The following CUL3 variants were observed in gnomAD, a reference collection of about 807,000 sequenced individuals.
The protein encoded by CUL3 is cullin 3, also known as cullin-3.
CUL3 carries 19 observed loss-of-function variants against 89.1 expected under a neutral mutation model. The observed-to-expected ratio is 0.21, with a 90% CI of 0.15 to 0.31. CUL3 has a LOEUF of 0.31. Ranked by LOEUF, CUL3 falls within the 10% of genes least tolerant of loss-of-function variation. The pLI is 1.00. For synonymous variants in CUL3, 351 were observed against 308.4 expected (o/e 1.14, Z -1.45); for missense variants, 469 against 942.3 (o/e 0.50, Z 6.58).
chr2:224,538,418 T>A (rs896836998), intron 2 of CUL3, among the ~76,000 whole-genome samples: 2 of 152,156 alleles, frequency 1.3e-5, no homozygotes, highest in Admixed American at 6.5e-5. Context: ...GAAAAAAGGA[T>A]CTTTATTTTA....
intron 13 of CUL3, among the ~76,000 whole-genome samples, chr2:224,482,716 G>A (rs1329817840): frequency 6.6e-6 from 1 of 152,148 alleles, no homozygotes; most frequent in African/African-American, 2.4e-5. Flanking sequence ...TGTAATACTA[G>A]GGGAGAAAAA....
At chr2:224,573,893 C>T (rs887029091) in intron 1 of CUL3, among the ~76,000 whole-genome samples, 2 of 152,068 alleles carry the variant, frequency 1.3e-5, no homozygotes, top group Non-Finnish European at 2.9e-5. Flanking sequence ...AACAGCCTAC[C>T]ACAAGTCAGA....
At chr2:224,484,172 A>T (rs1391442339) in intron 13 of CUL3, among the ~76,000 whole-genome samples, 3 of 147,706 alleles carry the variant, frequency 2.0e-5, no homozygotes, top group Admixed American at 6.8e-5. Flanking sequence ...CTGTCTCAAA[A>T]TTTTTTTTTT....
rs2106304669 is a variant in CUL3, at chr2:224,557,761, A to G, written c.162T>C (p.Phe54=). Residue 54 remains phenylalanine (F), a synonymous_variant, in exon 2 of 16, where the codon TTT becomes TTC. Transcript: ENST00000264414. Reference sequence around the variant, plus strand: ...TATATGCATTTCTATAGAGCTCCTCAAAACTAAGACCACTGTTATTCTTAC... The same window carrying G: ...TATATGCATTTCTATAGAGCTCCTCGAAACTAAGACCACTGTTATTCTTAC... ...IQRKNNSGLS[F]EELYRNAYTM... The G allele has an allele frequency of 6.2e-7, 1 of 1,611,430 alleles. No individual in the cohort carries two copies. Among genetic ancestry groups the G allele is most frequent in the Non-Finnish European group, 8.5e-7 (1 of 1,177,986 alleles).
chr2:224,533,472 A>T (rs1693768479), intron 3 of CUL3, among the ~76,000 whole-genome samples: 1 of 152,044 alleles, frequency 6.6e-6, no homozygotes, highest in African/African-American at 2.4e-5. Flanking sequence ...AAAAGAAAAA[A>T]GAAAGAAAAA....
intron 6 of CUL3, among the ~76,000 whole-genome samples, chr2:224,510,157 T>C (rs1692759269): frequency 6.6e-6 from 1 of 151,994 alleles, no homozygotes; most frequent in African/African-American, 2.4e-5. Context: ...ACAAAAAAGC[T>C]TGCCAACCCC....
At chr2:224,546,898 C>G (rs755885163) in intron 2 of CUL3, among the ~76,000 whole-genome samples, 5 of 152,090 alleles carry the variant, frequency 3.3e-5, no homozygotes, top group Non-Finnish European at 7.4e-5. Context: ...ACACTATCCC[C>G]GACAAGTCTC....
At chr2:224,480,411 A>G (rs1444382645) in intron 14 of CUL3, among the ~76,000 whole-genome samples, 1 of 152,202 alleles carries the variant, frequency 6.6e-6, no homozygotes, top group Non-Finnish European at 1.5e-5. Flanking sequence ...ATTCCCAAGA[A>G]AAAAACATTG....
At chr2:224,563,173 A>C (rs772451704) in intron 1 of CUL3, 28 of 455,696 alleles carry the variant, frequency 6.1e-5, no homozygotes, top group Non-Finnish European at 1.2e-4. Flanking sequence ...CACCTTAAGA[A>C]TAACACTATG....
chr2:224,554,839 C>T (rs1162222107), intron 2 of CUL3, among the ~76,000 whole-genome samples: 1 of 152,174 alleles, frequency 6.6e-6, no homozygotes, highest in East Asian at 1.9e-4. Flanking sequence ...TATCCAATAA[C>T]TCAGCTGTTC....
At chr2:224,521,993 AT>A (rs1308264754) in intron 3 of CUL3, among the ~76,000 whole-genome samples, 7 of 152,054 alleles carry the variant, frequency 4.6e-5, no homozygotes, top group Non-Finnish European at 1.0e-4. Flanking sequence ...GGTTAAAAAA[AT>A]CTTTATAAAT....
rs1387078609 is a variant in CUL3 at position 224,513,516 on chromosome 2, C to T, written c.654+8G>A. ...AAAAGATTATTTATTTACATTTTCA[C>T]GGATTACCTGAAAAAATTCTGCAGA... On this transcript the variant is annotated splice_region_variant and intron_variant, in intron 5 of 15. Transcript: ENST00000264414. 7.0e-6 allele frequency: 10 copies of T among 1,421,024 alleles called. No homozygotes were observed. The highest frequency in any genetic ancestry group is 2.9e-5 in the African/African-American group (2 of 69,780). 88.0% of individuals were successfully genotyped at this position (1,421,024 alleles called of 1,614,324 possible).
In CUL3 at chr2:224,585,138, G is replaced by A; in HGVS notation, c.-129C>T. ...CGGCGCGACCCCCGGGCAGGGCTGG[G>A]GAGCTGGCCGGCCCCTGGGCAGCCG... is the stretch of plus-strand genomic sequence containing the variant. On this transcript the variant is annotated 5_prime_UTR_variant, in exon 1 of 16. Coordinates refer to ENST00000264414, the MANE Select transcript of CUL3 (RefSeq NM_003590.5). 3.7e-6 allele frequency: 2 copies of A among 546,606 alleles called. No individual in the cohort carries two copies. The allele number at this position is 546,606 out of a possible 1,614,324, so 33.9% of individuals were successfully genotyped here. A position where few individuals can be genotyped will look rare whatever the true frequency, so the allele number is the denominator to read the frequency against.
At chr2:224,494,666 C>A (rs1359523834) in intron 13 of CUL3, among the ~76,000 whole-genome samples, 1 of 152,046 alleles carries the variant, frequency 6.6e-6, no homozygotes, top group Non-Finnish European at 1.5e-5. Flanking sequence ...GTGCCTTCAA[C>A]AAATGATGCT....
chr2:224,584,280 T>TCC (rs35465666), intron 1 of CUL3, among the ~76,000 whole-genome samples: 92 of 151,682 alleles, frequency 6.1e-4, no homozygotes, highest in Non-Finnish European at 1.1e-3. Flanking sequence ...CTCTGTTGCT[T>TCC]CCCCCCCACC....
chr2:224,492,236 T>C (rs1692011869), intron 13 of CUL3, among the ~76,000 whole-genome samples: 1 of 152,192 alleles, frequency 6.6e-6, no homozygotes. Context: ...AAATTTCCTA[T>C]ATCCCCCTTT....
At chr2:224,555,670 T>G (rs1327455184) in intron 2 of CUL3, among the ~76,000 whole-genome samples, 1 of 152,198 alleles carries the variant, frequency 6.6e-6, no homozygotes, top group East Asian at 1.9e-4. Flanking sequence ...CCACCTAAGT[T>G]TAACCAACCA....
chr2:224,489,221 C>T (rs1691859650), intron 13 of CUL3, among the ~76,000 whole-genome samples: 2 of 152,194 alleles, frequency 1.3e-5, no homozygotes, highest in South Asian at 2.1e-4. Context: ...CCTCTCTCAC[C>T]ACTGCTATTC....
In CUL3 at chr2:224,514,686, C is replaced by A. The variant is rs961557185; in HGVS notation, c.465G>T (p.Gly155=). The A allele has an allele frequency of 4.3e-6, 7 of 1,613,596 alleles. No homozygotes were observed. Among genetic ancestry groups the A allele is most frequent in the Non-Finnish European group, 5.9e-6 (7 of 1,179,614 alleles). The change falls in exon 4 of 16, where the codon GGG becomes GGT. Residue 155 remains glycine, a synonymous_variant. Coordinates refer to ENST00000264414, the MANE Select transcript of CUL3 (RefSeq NM_003590.5). Reference sequence around the variant, plus strand: ...TTTGCCGTAGATGATCCCTAATACACCCATAACGTACAACTTGATCTCGAA... The same window carrying A: ...TTTGCCGTAGATGATCCCTAATACAACCATAACGTACAACTTGATCTCGAA... The part of the protein sequence containing the change: ...IIFRDQVVRY[G]CIRDHLRQTL...
Sources: gnomAD v4.1 joint callset for allele counts (sites outside exome capture counted in the v4.1 genomes callset) on GRCh38, gnomAD v4.1.1 for gene constraint, MANE v1.5 for transcripts, NCBI Gene and HGNC (gene_info 2026-07-23, HGNC 2026-07-21) for gene names.